Variants in G3BP2 observed in about 807,000 individuals in gnomAD.
G3BP2 encodes G3BP stress granule assembly factor 2, also known as ras GTPase-activating protein-binding protein 2.
In G3BP2, 11 loss-of-function variants were observed where a neutral mutation model predicts 56.7. The ratio of observed to expected loss-of-function variants is 0.19; its 90% CI spans 0.12 to 0.32. The LOEUF (loss-of-function observed/expected upper bound fraction) is 0.32, where lower values mean the gene tolerates loss of function less well. G3BP2 is among the 10% of genes least tolerant of loss of function. The pLI is 1.00. For synonymous variants in G3BP2, 165 were observed against 191.6 expected, an observed-to-expected ratio of 0.86 and a Z score of 1.15; for missense variants, 340 against 610.9, an observed-to-expected ratio of 0.56 and a Z score of 4.67.
chr4:75,665,814 G>C (rs1189612278), intron 1 of G3BP2, among the ~76,000 whole-genome samples: 1 of 152,088 alleles, frequency 6.6e-6, no homozygotes, highest in Non-Finnish European at 1.5e-5. Context: ...AAAACTGATG[G>C]TAAAATAATA....
intron 3 of G3BP2, among the ~76,000 whole-genome samples, chr4:75,679,141 T>C (rs780839197): frequency 2.0e-5 from 3 of 152,234 alleles, no homozygotes; most frequent in African/African-American, 4.8e-5. Flanking sequence ...CTCTGACTCA[T>C]GCCACTACAC....
At chr4:75,658,958 T>C (rs756274763) in intron 2 of G3BP2, 34 bp from the exon 3 acceptor site, 2 of 1,474,496 alleles carry the variant, frequency 1.4e-6, no homozygotes, top group Admixed American at 3.3e-5. Flanking sequence ...AACACTGAAT[T>C]GTCAAGAGAA....
chr4:75,648,063 G>A (rs1351874391), intron 9 of G3BP2, among the ~76,000 whole-genome samples: 1 of 152,218 alleles, frequency 6.6e-6, no homozygotes, highest in East Asian at 1.9e-4. Flanking sequence ...TAAAACCAGT[G>A]ACTAGGCCGG....
intron 3 of G3BP2, among the ~76,000 whole-genome samples, chr4:75,719,578 A>G (rs547964562): frequency 2.6e-5 from 4 of 152,002 alleles, no homozygotes; most frequent in Non-Finnish European, 5.9e-5. Flanking sequence ...CAACTATTCC[A>G]AGTCCTTACC....
At chr4:75,678,986 A>G (rs1733977479) in intron 3 of G3BP2, among the ~76,000 whole-genome samples, 1 of 152,224 alleles carries the variant, frequency 6.6e-6, no homozygotes, top group Admixed American at 6.5e-5. Flanking sequence ...TTTGTTCTGA[A>G]GTAACAACTT....
chr4:75,678,917 G>C (rs1477687637), intron 3 of G3BP2, among the ~76,000 whole-genome samples: 1 of 152,188 alleles, frequency 6.6e-6, no homozygotes, highest in East Asian at 1.9e-4. Flanking sequence ...TTTGGTTCTT[G>C]AAAAAGTATA....
At chr4:75,724,031 A>T (rs1720294476) in intron 1 of G3BP2, 1 of 152,170 alleles carries the variant, frequency 6.6e-6, no homozygotes, top group Admixed American at 6.5e-5. Flanking sequence ...TTTCCTCCTG[A>T]CGACACTTGA....
At chr4:75,718,447 AGTG>A (rs1720015115) in intron 3 of G3BP2, among the ~76,000 whole-genome samples, 1 of 152,200 alleles carries the variant, frequency 6.6e-6, no homozygotes, top group South Asian at 2.1e-4. Context: ...AGCATACACT[AGTG>A]ATAAGGCTGG....
At chr4:75,680,544 AC>A (rs1734032011) in intron 3 of G3BP2, among the ~76,000 whole-genome samples, 1 of 152,156 alleles carries the variant, frequency 6.6e-6, no homozygotes. Context: ...ACCGAGGCAA[AC>A]CTTCAACATC....
chr4:75,716,372 A>C (rs1380538348), intron 3 of G3BP2, among the ~76,000 whole-genome samples: 1 of 152,022 alleles, frequency 6.6e-6, no homozygotes, highest in Non-Finnish European at 1.5e-5. Context: ...ATGAGGTTTC[A>C]CCATGTTGGC....
chr4:75,720,489 G>A (rs1164291662), intron 3 of G3BP2, among the ~76,000 whole-genome samples: 7 of 141,028 alleles, frequency 5.0e-5, no homozygotes, highest in East Asian at 2.1e-4. Flanking sequence ...GCAACAGAGC[G>A]AGACTCCGTC....
chr4:75,668,937 T>TA (rs1733269831), intron 1 of G3BP2, among the ~76,000 whole-genome samples: 1 of 152,184 alleles, frequency 6.6e-6, no homozygotes. Flanking sequence ...CTTCATCTTC[T>TA]ATTCCCCTCT....
At chr4:75,653,751 TATAC>T in intron 8 of G3BP2, among the ~76,000 whole-genome samples, 1 of 152,278 alleles carries the variant, frequency 6.6e-6, no homozygotes. Flanking sequence ...GACAATATTA[TATAC>T]TGGTAAAAAC....
At chr4:75,684,944 A>T (rs1404515516) in intron 3 of G3BP2, among the ~76,000 whole-genome samples, 1 of 152,152 alleles carries the variant, frequency 6.6e-6, no homozygotes, top group Non-Finnish European at 1.5e-5. Context: ...TAGTATAAAG[A>T]ATACTATTTT....
At chr4:75,720,750 C>T (rs1189933537) in intron 3 of G3BP2, among the ~76,000 whole-genome samples, 4 of 150,552 alleles carry the variant, frequency 2.7e-5, no homozygotes, top group South Asian at 2.1e-4. Flanking sequence ...GAGCCGAGAT[C>T]GCGCCACTAC....
rs1402853383 is a variant in G3BP2, at chr4:75,643,169, G to A, written c.*2261C>T. 4 of 151,772 alleles carry A rather than the reference G, an allele frequency of 2.6e-5. No individual in the cohort carries two copies. The highest frequency in any genetic ancestry group is 1.3e-4 in the Admixed American group (2 of 15,196). The allele number at this position is 151,772 out of a possible 1,614,324, so 9.4% of individuals were successfully genotyped here. On this transcript the variant is annotated 3_prime_UTR_variant, in exon 12 of 12. Coordinates refer to ENST00000359707, the MANE Select transcript of G3BP2 (RefSeq NM_203505.3). ...TATGATGTTTTAATGTTTTATTCAT[G>A]GTATGTAAAGACTGAAGCTGAATGG...
intron 9 of G3BP2, 85 bp from the exon 10 acceptor site, chr4:75,647,242 T>C (rs1731303443): frequency 3.5e-6 from 3 of 860,218 alleles, no homozygotes; most frequent in Admixed American, 5.4e-5. Flanking sequence ...TCACTTAATA[T>C]TGATATTCCT....
At chr4:75,673,546 AGCACGCGCAGTACGCTGCCGCGCTC>A, upstream of G3BP2, 1 of 1,232,068 alleles carries the variant, frequency 8.1e-7, no homozygotes, top group Non-Finnish European at 1.0e-6. Context: ...CCCTCTGCGG[AGCACGCGCAGTACGCTGCCGCGCTC>A]GCACACGCTC....
At position 75,718,599 on chromosome 4, in the gene G3BP2, G is replaced by A. The variant is rs191779185; in HGVS notation, c.-25+2278C>T. ...TCCTAGGAGAAATGTGAATGTCCCTGTTCCCCAGCTCCTATGCCATATGCT... is the reference window on the plus strand; with the variant it reads ...TCCTAGGAGAAATGTGAATGTCCCTATTCCCCAGCTCCTATGCCATATGCT... On this transcript the variant is annotated intron_variant, in intron 3 of 3. Coordinates refer to the G3BP2 transcript ENST00000499709. 2.0e-5 allele frequency among the ~76,000 whole-genome samples: 3 copies of A among 152,294 alleles called. No individual in the cohort carries two copies. In the East Asian group the frequency reaches 5.8e-4, roughly 29 times the overall value.
Sources: allele counts gnomAD v4.1 joint callset (sites outside exome capture counted in the v4.1 genomes callset), GRCh38; gene constraint gnomAD v4.1.1; transcripts MANE v1.5; gene names NCBI Gene and HGNC (gene_info 2026-07-23, HGNC 2026-07-21).